UBR2: variants seen among roughly 807,000 people sequenced by gnomAD.
UBR2 encodes the protein E3 ubiquitin-protein ligase UBR2.
UBR2 carries 92 observed loss-of-function variants against 247.9 expected under a neutral mutation model. That is an observed-to-expected ratio of 0.37 (90% CI 0.31 to 0.44). The LOEUF (loss-of-function observed/expected upper bound fraction) is 0.44. Among genes scored for constraint, UBR2 ranks in the 20% least tolerant of loss-of-function variants. UBR2 has a pLI of 1.00. For synonymous variants in UBR2, 672 were observed against 693.5 expected (o/e 0.97, Z 0.49); for missense variants, 1,613 against 2,112.6 (o/e 0.76, Z 4.64).
intron 14 of UBR2, among the ~76,000 whole-genome samples, chr6:42,636,182 G>GTT (rs5875814): frequency 3.6e-5 from 4 of 109,824 alleles, no homozygotes; most frequent in Non-Finnish European, 3.8e-5. Flanking sequence ...TTTTTTTTTT[G>GTT]TTTTTTTTTT....
At chr6:42,570,704 G>A (rs1292657600) in intron 1 of UBR2, among the ~76,000 whole-genome samples, 1 of 151,046 alleles carries the variant, frequency 6.6e-6, no homozygotes, top group Non-Finnish European at 1.5e-5. Context: ...TGTTTTTTGA[G>A]ACAGGATCTC....
At chr6:42,614,047 C>T (rs1051603451) in intron 8 of UBR2, among the ~76,000 whole-genome samples, 170 of 150,744 alleles carry the variant, frequency 1.1e-3, no homozygotes, top group African/African-American at 3.7e-3. Context: ...CGTGGTGGTG[C>T]ATGCCTGTAA....
intron 17 of UBR2, 28 bp downstream of exon 17, chr6:42,641,720 T>C (rs1363848308): frequency 6.4e-7 from 1 of 1,571,246 alleles, no homozygotes; most frequent in African/African-American, 1.4e-5. Flanking sequence ...CTATGAAGAG[T>C]TTTCATTCCA....
At position 42,689,697 on chromosome 6, in the gene UBR2, C is replaced by G; in HGVS notation, c.5126+27C>G. The G allele has an allele frequency of 6.2e-7, 1 of 1,600,976 alleles. No homozygotes were observed. The highest frequency in any genetic ancestry group is 8.6e-7 in the Non-Finnish European group (1 of 1,168,270). On this transcript the variant is annotated intron_variant, in intron 46 of 46. Coordinates refer to ENST00000372901, the MANE Select transcript of UBR2 (RefSeq NM_001363705.2). The surrounding 1 kb of genome is among the most constrained non-coding windows in gnomAD (Gnocchi z 4.0). ...TAAGAACCCATCCTGAGTTAGCTAA[C>G]TCAGGGCCTGCAGCGCCCTTCCGTA...
chr6:42,614,078 G>A (rs1191547564), intron 8 of UBR2, among the ~76,000 whole-genome samples: 4 of 149,226 alleles, frequency 2.7e-5, no homozygotes, highest in Non-Finnish European at 5.9e-5. Flanking sequence ...TTGGGAGGCT[G>A]AGGCACAGGA....
At position 42,688,353 on chromosome 6, in the gene UBR2, A is replaced by C. The variant is rs370358393; in HGVS notation, c.4991A>C (p.Tyr1664Ser). The C allele has an allele frequency of 2.0e-5, 32 of 1,613,316 alleles. No homozygotes were observed. The highest frequency in any genetic ancestry group is 2.7e-5 in the African/African-American group (2 of 74,800). ...EDVGACTAHT[Y>S]SCGSGVGIFL... ...GTAGGAGCCTGCACAGCTCACACCT[A>C]CTCCTGTGGCTCTGGAGTGGGCATC... is the stretch of plus-strand genomic sequence containing the variant. The change falls in exon 45 of 47, where the codon TAC becomes TCC. Residue 1664 changes from tyrosine to serine, a missense_variant. Coordinates refer to ENST00000372901, the MANE Select transcript of UBR2 (RefSeq NM_001363705.2).
Position 42,573,911 on chromosome 6 carries a change from T to G in UBR2, c.256T>G (p.Phe86Val), listed in dbSNP as rs1490849132. 6.2e-7 allele frequency: 1 copy of G among 1,613,968 alleles called. No homozygotes were observed. Among genetic ancestry groups the G allele is most frequent in the Non-Finnish European group, 8.5e-7 (1 of 1,179,948 alleles). The change falls in exon 2 of 47, where the codon TTT becomes GTT. Residue 86 changes from phenylalanine to valine, a missense_variant. Phe to Val is a conservative substitution (Grantham distance 50, BLOSUM62 -1). Around this residue, in one of 3 missense-constraint regions of UBR2, gnomAD observed 1,524 missense variants for 1,967.3 expected, o/e 0.77. Coordinates refer to ENST00000372901, the MANE Select transcript of UBR2 (RefSeq NM_001363705.2). ...TTGTGGTGAAGATCCTGCATTTGGA[T>G]TTCCAAAACTTGAGCAAGCAAACAA... is the stretch of plus-strand genomic sequence containing the variant. ...YLCGEDPAFG[F>V]PKLEQANKPS...
chr6:42,645,049 C>G (rs1796675935), intron 20 of UBR2, among the ~76,000 whole-genome samples: 1 of 152,062 alleles, frequency 6.6e-6, no homozygotes, highest in African/African-American at 2.4e-5. Flanking sequence ...AGCAGAGAAT[C>G]CTGGCTACTG....
intron 2 of UBR2, among the ~76,000 whole-genome samples, chr6:42,575,767 T>G (rs1437640292): frequency 6.6e-6 from 1 of 152,240 alleles, no homozygotes; most frequent in Admixed American, 6.5e-5. Flanking sequence ...ATTAAAGGGA[T>G]GTCTGCAAGA....
intron 1 of UBR2, among the ~76,000 whole-genome samples, chr6:42,565,730 T>C (rs1052472601): frequency 3.9e-5 from 6 of 152,008 alleles, no homozygotes. Context: ...CCGGCTAATT[T>C]TGTATTTTTA....
At chr6:42,650,536 A>G (rs944430921) in intron 23 of UBR2, 150 bp downstream of exon 23, 15 of 594,910 alleles carry the variant, frequency 2.5e-5, no homozygotes, top group Middle Eastern at 4.2e-4. Flanking sequence ...GGCTCAAGCA[A>G]TTCTCCCACC....
chr6:42,584,501 C>G (rs1022706984), intron 2 of UBR2, among the ~76,000 whole-genome samples: 10 of 151,992 alleles, frequency 6.6e-5, no homozygotes, highest in African/African-American at 2.4e-4. Context: ...TATTTCATGT[C>G]TTTTGCATTT....
intron 4 of UBR2, among the ~76,000 whole-genome samples, chr6:42,599,289 A>T (rs1793200075): frequency 1.3e-5 from 2 of 152,196 alleles, no homozygotes; most frequent in African/African-American, 4.8e-5. Context: ...CATAAGATAG[A>T]TAATGCTGTT....
intron 34 of UBR2, among the ~76,000 whole-genome samples, chr6:42,669,831 G>A (rs989362258): frequency 1.3e-5 from 2 of 152,154 alleles, no homozygotes; most frequent in African/African-American, 2.4e-5. Context: ...TGGGAAACAG[G>A]GTCAAGGATC....
At chr6:42,614,334 G>A (rs868483956) in intron 8 of UBR2, among the ~76,000 whole-genome samples, 2 of 74,440 alleles carry the variant, frequency 2.7e-5, no homozygotes, top group Non-Finnish European at 5.3e-5. Context: ...ATGTGTATAT[G>A]TGTATGTGTG....
intron 35 of UBR2, 146 bp downstream of exon 35, chr6:42,670,386 T>C (rs1798359813): frequency 2.8e-6 from 3 of 1,083,086 alleles, no homozygotes; most frequent in African/African-American, 1.6e-5. Flanking sequence ...AAATGTAATG[T>C]ACTGACAAAA....
chr6:42,632,956 CTCTTTT>C, intron 13 of UBR2, 52 bp downstream of exon 13: 1 of 929,526 alleles, frequency 1.1e-6, no homozygotes, highest in South Asian at 2.8e-5. Flanking sequence ...TTTCTCTTTT[CTCTTTT>C]TTTTTTTTTT....
chr6:42,677,164 A>T (rs1798764342), intron 40 of UBR2, among the ~76,000 whole-genome samples: 1 of 152,220 alleles, frequency 6.6e-6, no homozygotes, highest in Admixed American at 6.5e-5. Context: ...TGTACTTTGG[A>T]AAGTTGATAC....
At chr6:42,617,557 C>G (rs1427228841) in intron 11 of UBR2, 50 bp downstream of exon 11, 2 of 1,490,862 alleles carry the variant, frequency 1.3e-6, no homozygotes, top group African/African-American at 2.8e-5. Flanking sequence ...TTAACAGAGG[C>G]CTTAAAATAA....
Sources: gnomAD v4.1 joint callset for allele counts (sites outside exome capture counted in the v4.1 genomes callset) on GRCh38, gnomAD v4.1.1 for gene constraint, gnomAD v4.1.1 regional missense constraint, Gnocchi (gnomAD v3.1) non-coding constraint, MANE v1.5 for transcripts, NCBI Gene and HGNC (gene_info 2026-07-23, HGNC 2026-07-21) for gene names.